The following BACH2 variants were observed in gnomAD, a reference collection of about 807,000 sequenced individuals.
The protein encoded by BACH2 is BACH transcriptional regulator 2, also known as transcription regulator protein BACH2.
In BACH2, 5 loss-of-function variants were observed where a neutral mutation model predicts 61.8. That is an observed-to-expected ratio of 0.08 (90% CI 0.04 to 0.17). The LOEUF (loss-of-function observed/expected upper bound fraction) is 0.17. Among genes scored for constraint, BACH2 ranks in the 10% least tolerant of loss-of-function variants. The pLI is 1.00. For synonymous variants in BACH2, 446 were observed against 440.1 expected (o/e 1.01, Z -0.17); for missense variants, 824 against 1,091.1 (o/e 0.76, Z 3.45).
At chr6:90,265,437 T>A (rs138346482) in intron 2 of BACH2, among the ~76,000 whole-genome samples, 17 of 152,344 alleles carry the variant, frequency 1.1e-4, no homozygotes, top group African/African-American at 4.1e-4. Flanking sequence ...AACACTTTGA[T>A]ATAAAAGTAA....
intron 4 of BACH2, among the ~76,000 whole-genome samples, chr6:90,137,037 G>A (rs1213063998): frequency 6.6e-6 from 1 of 151,978 alleles, no homozygotes; most frequent in East Asian, 1.9e-4. Context: ...GTCATCCTGT[G>A]ACACTAGCAC....
intron 6 of BACH2, among the ~76,000 whole-genome samples, chr6:89,992,020 TCTTGAC>T (rs1776602147): frequency 6.6e-6 from 1 of 152,228 alleles, no homozygotes; most frequent in Non-Finnish European, 1.5e-5. Context: ...GATTTTAATT[TCTTGAC>T]TACTTAAAAC....
intron 4 of BACH2, among the ~76,000 whole-genome samples, chr6:90,170,415 T>A (rs1280993727): frequency 6.6e-6 from 1 of 152,176 alleles, no homozygotes; most frequent in Non-Finnish European, 1.5e-5. Context: ...GTAAGCTCAG[T>A]AGGAGCAAGA....
intron 4 of BACH2, among the ~76,000 whole-genome samples, chr6:90,155,710 AT>A (rs1413528791): frequency 6.6e-6 from 1 of 152,048 alleles, no homozygotes; most frequent in African/African-American, 2.4e-5. Flanking sequence ...CTGTTTTTAA[AT>A]TTTTTTCCTA....
intron 8 of BACH2, among the ~76,000 whole-genome samples, chr6:89,934,650 C>G (rs1334105250): frequency 6.6e-6 from 1 of 151,746 alleles, no homozygotes; most frequent in African/African-American, 2.4e-5. Context: ...CAGAGCGAGA[C>G]TTTGTCTCAA....
At chr6:90,095,996 T>C (rs977120933) in intron 4 of BACH2, among the ~76,000 whole-genome samples, 15 of 152,148 alleles carry the variant, frequency 9.9e-5, no homozygotes, top group African/African-American at 1.7e-4. Flanking sequence ...CTACCTCCTT[T>C]CCTGTACAAC....
At chr6:90,243,622 TAC>T (rs1189392940) in intron 3 of BACH2, among the ~76,000 whole-genome samples, 7 of 152,346 alleles carry the variant, frequency 4.6e-5, no homozygotes, top group Admixed American at 3.9e-4. Context: ...TCCCTAATAT[TAC>T]AGAGTAATTA....
chr6:90,102,839 T>TAATAATAATAAAA (rs751278080), intron 4 of BACH2, among the ~76,000 whole-genome samples: 1 of 122,220 alleles, frequency 8.2e-6, no homozygotes, highest in Non-Finnish European at 1.7e-5. Context: ...ATAATAATAA[T>TAATAATAATAAAA]AAAAATAAAA....
rs990183253 is a variant in BACH2 at position 90,245,949 on chromosome 6, G to A, written c.-275+6564C>T. 3.9e-5 allele frequency among the ~76,000 whole-genome samples: 6 copies of A among 152,330 alleles called. No homozygotes were observed. In the South Asian group the frequency reaches 1.2e-3, roughly 32 times the overall value. On this transcript the variant is annotated intron_variant, in intron 3 of 8. Transcript: ENST00000257749. The stretch of plus-strand genomic sequence containing the variant: ...CCATGACAGGAGGCTGGCAGTGCCA[G>A]AGGAATGCAGCACAAAGGGGTGGAA...
At chr6:90,296,314 A>G (rs1582579056) in intron 1 of BACH2, among the ~76,000 whole-genome samples, 166 bp downstream of exon 1, 2 of 151,232 alleles carry the variant, frequency 1.3e-5, no homozygotes, top group East Asian at 2.0e-4. Context: ...ATGCCATAAA[A>G]GCGGGCAGGG....
At chr6:89,948,401 T>C (rs567366016) in intron 7 of BACH2, among the ~76,000 whole-genome samples, 1 of 151,804 alleles carries the variant, frequency 6.6e-6, no homozygotes, top group African/African-American at 2.4e-5. Flanking sequence ...AGAGATGGGG[T>C]TTCACCATGT....
intron 3 of BACH2, among the ~76,000 whole-genome samples, chr6:90,212,016 T>C (rs1431342526): frequency 1.3e-5 from 2 of 152,130 alleles, no homozygotes; most frequent in Non-Finnish European, 2.9e-5. Flanking sequence ...TAATACAAGG[T>C]GAACCGGCTC....
intron 6 of BACH2, among the ~76,000 whole-genome samples, chr6:89,982,009 C>T (rs1219578205): frequency 2.0e-5 from 3 of 151,774 alleles, no homozygotes; most frequent in South Asian, 2.1e-4. Context: ...CTTATTCTGT[C>T]GCCCAGGCTG....
chr6:90,162,035 G>A (rs1239859358), intron 4 of BACH2, among the ~76,000 whole-genome samples: 2 of 151,972 alleles, frequency 1.3e-5, no homozygotes, highest in African/African-American at 4.8e-5. Flanking sequence ...CCCTGAGCCG[G>A]ACCCAACAAT....
intron 3 of BACH2, among the ~76,000 whole-genome samples, chr6:90,246,071 C>T (rs1410930006): frequency 6.6e-6 from 1 of 152,178 alleles, no homozygotes; most frequent in South Asian, 2.1e-4. Context: ...TGAGTGACTA[C>T]TGCTGGAACA....
intron 2 of BACH2, among the ~76,000 whole-genome samples, chr6:90,261,850 A>G (rs1771170235): frequency 6.6e-6 from 1 of 152,014 alleles, no homozygotes; most frequent in Admixed American, 6.5e-5. Flanking sequence ...CTCATAACCA[A>G]TCAGTTACCA....
rs557633496 is a variant in BACH2 at position 90,294,631 on chromosome 6, C to T, written c.-446+1849G>A. The stretch of plus-strand genomic sequence containing the variant: ...CTAAAGACTAATTCTAACAAGATGT[C>T]ATTTTGACTCACGTTTATTATTACC... On this transcript the variant is annotated intron_variant, in intron 1 of 8. Coordinates refer to ENST00000257749, the MANE Select transcript of BACH2 (RefSeq NM_021813.4). Among the ~76,000 whole-genome samples the T allele has an allele frequency of 3.3e-5, 5 of 152,310 alleles. No homozygotes were observed. The South Asian group carries it at 1.0e-3, about 32-fold the overall frequency.
intron 1 of BACH2, among the ~76,000 whole-genome samples, chr6:90,287,197 T>C (rs1426424537): frequency 2.6e-5 from 4 of 152,196 alleles, no homozygotes; most frequent in East Asian, 1.9e-4. Context: ...AACAACTCTA[T>C]CTAAAATAAG....
rs144782662 is a variant in BACH2, at chr6:90,068,911, G to A, written c.-13+20050C>T. On this transcript the variant is annotated intron_variant, in intron 5 of 8. Transcript: ENST00000257749. ...AGCAATGCTCCCCTGGATTCGCGCC[G>A]TAATCATTACATCACACTTACAGCA... Among the ~76,000 whole-genome samples, 54 of 152,242 alleles carry A rather than the reference G, an allele frequency of 3.5e-4. No homozygotes were observed. In the East Asian group the frequency reaches 9.1e-3, roughly 26 times the overall value.
Sources: gnomAD v4.1 joint callset for allele counts (sites outside exome capture counted in the v4.1 genomes callset) on GRCh38, gnomAD v4.1.1 for gene constraint, MANE v1.5 for transcripts, NCBI Gene and HGNC (gene_info 2026-07-23, HGNC 2026-07-21) for gene names.